Variants in NSD1 observed in about 807,000 individuals in gnomAD.
NSD1 encodes histone-lysine N-methyltransferase, H3 lysine-36 specific.
In NSD1, 26 loss-of-function variants were observed where a neutral mutation model predicts 242.7. The ratio of observed to expected loss-of-function variants is 0.11; its 90% CI spans 0.08 to 0.15. The LOEUF (loss-of-function observed/expected upper bound fraction) is 0.15. NSD1 is among the 10% of genes least tolerant of loss of function. The pLI is 1.00. For missense variants in NSD1, 2,495 were observed against 3,272.8 expected, an observed-to-expected ratio of 0.76 and a Z score of 5.80; for synonymous variants, 1,106 against 1,178.1, an observed-to-expected ratio of 0.94 and a Z score of 1.25.
At chr5:177,142,322 A>T (rs1756893649) in intron 2 of NSD1, among the ~76,000 whole-genome samples, 2 of 152,194 alleles carry the variant, frequency 1.3e-5, no homozygotes, top group East Asian at 3.8e-4. Context: ...AAAAAATTAA[A>T]AAAAGGAAAG....
At chr5:177,289,717 G>A (rs1759625772) in intron 21 of NSD1, among the ~76,000 whole-genome samples, 1 of 151,998 alleles carries the variant, frequency 6.6e-6, no homozygotes, top group Non-Finnish European at 1.5e-5. Context: ...AAGCATTGTT[G>A]TGTCTTCCTG....
intron 20 of NSD1, among the ~76,000 whole-genome samples, chr5:177,286,287 G>T (rs1235426739): frequency 1.3e-5 from 2 of 152,162 alleles, no homozygotes; most frequent in Non-Finnish European, 2.9e-5. Flanking sequence ...TTTAAAATTT[G>T]AGCCACTAGT....
intron 5 of NSD1, among the ~76,000 whole-genome samples, chr5:177,213,991 G>A (rs1236818719): frequency 6.6e-6 from 1 of 150,956 alleles, no homozygotes; most frequent in African/African-American, 2.4e-5. Context: ...TTTTTTTTGA[G>A]ATAGGGTCTG....
At chr5:177,252,536 GTTCTTTTTTTT>G (rs1430348153) in intron 12 of NSD1, among the ~76,000 whole-genome samples, 3 of 98,996 alleles carry the variant, frequency 3.0e-5, no homozygotes, top group African/African-American at 1.3e-4. Flanking sequence ...AAAGTAAAGT[GTTCTTTTTTTT>G]TTTTTTTTTT....
At chr5:177,158,938 GTATATATACACACA>G (rs1302399117) in intron 2 of NSD1, among the ~76,000 whole-genome samples, 4 of 141,764 alleles carry the variant, frequency 2.8e-5, no homozygotes, top group African/African-American at 8.0e-5. Flanking sequence ...GTGTGTGTGT[GTATATATACACACA>G]TATATATATA....
chr5:177,148,536 C>T (rs989130573), intron 2 of NSD1, among the ~76,000 whole-genome samples: 4 of 151,164 alleles, frequency 2.6e-5, no homozygotes, highest in Admixed American at 6.6e-5. Flanking sequence ...GCGATTATCC[C>T]GCCTCAGGCT....
At chr5:177,154,573 T>C (rs1168685806) in intron 2 of NSD1, among the ~76,000 whole-genome samples, 1 of 152,166 alleles carries the variant, frequency 6.6e-6, no homozygotes, top group East Asian at 1.9e-4. Flanking sequence ...TCTTGTGCTT[T>C]CCCGGAGACC....
chr5:177,151,411 G>A (rs543488850), intron 2 of NSD1, among the ~76,000 whole-genome samples: 13 of 151,832 alleles, frequency 8.6e-5, no homozygotes, highest in African/African-American at 1.5e-4. Flanking sequence ...TTTTTGAGAC[G>A]GAGTTTCGCT....
At chr5:177,145,364 G>A (rs533551525) in intron 2 of NSD1, among the ~76,000 whole-genome samples, 2 of 149,220 alleles carry the variant, frequency 1.3e-5, no homozygotes, top group East Asian at 4.0e-4. Context: ...CTGCAGTTTA[G>A]ACCTCCTGTG....
intron 7 of NSD1, among the ~76,000 whole-genome samples, chr5:177,239,015 TTA>T (rs1208397422): frequency 1.3e-5 from 2 of 152,230 alleles, no homozygotes; most frequent in Non-Finnish European, 2.9e-5. Context: ...TGATCATTCT[TTA>T]TATATCACCT....
chr5:177,202,757 T>C (rs1335494923), intron 3 of NSD1, among the ~76,000 whole-genome samples: 1 of 152,166 alleles, frequency 6.6e-6, no homozygotes, highest in African/African-American at 2.4e-5. Flanking sequence ...TACACACATG[T>C]GTATATTAAC....
At chr5:177,197,268 TA>T (rs538919762) in intron 3 of NSD1, among the ~76,000 whole-genome samples, 3,148 of 142,664 alleles carry the variant, frequency 0.022, 34 homozygotes, top group Non-Finnish European at 0.032. Context: ...AGACTCCATC[TA>T]AAAAAAAAAA....
chr5:177,209,756 G>A lies in NSD1; in HGVS notation c.1357G>A (p.Glu453Lys). Residue 453 changes from glutamate (E) to lysine (K), a missense_variant, in exon 5 of 23, where the codon GAA becomes AAA. Physicochemically the swap from Glu to Lys is moderately conservative, Grantham distance 56. Coordinates refer to ENST00000439151, the MANE Select transcript of NSD1 (RefSeq NM_022455.5). ...IPGSIKLDSE[E>K]DMPFEDCTND... The stretch of plus-strand genomic sequence containing the variant: ...TGGTTCAATCAAGTTGGACAGTGAA[G>A]AAGATATGCCATTTGAAGACTGCAC... 6.2e-7 allele frequency: 1 copy of A among 1,614,156 alleles called. No homozygotes were observed. The highest frequency in any genetic ancestry group is 8.5e-7 in the Non-Finnish European group (1 of 1,180,028).
intron 18 of NSD1, among the ~76,000 whole-genome samples, chr5:177,281,635 C>G (rs1311874147): frequency 6.6e-6 from 1 of 151,992 alleles, no homozygotes; most frequent in Non-Finnish European, 1.5e-5. Flanking sequence ...ACTAGTTTGT[C>G]TCTGATGATA....
intron 2 of NSD1, among the ~76,000 whole-genome samples, chr5:177,152,319 G>GTGTATGTATGTATGTA (rs57114836): frequency 2.3e-5 from 3 of 128,128 alleles, no homozygotes; most frequent in Non-Finnish European, 3.5e-5. Context: ...TTGTGTGTGT[G>GTGTATGTATGTATGTA]TGTATGTATG....
intron 2 of NSD1, among the ~76,000 whole-genome samples, chr5:177,142,771 T>C (rs1438628966): frequency 6.6e-6 from 1 of 152,182 alleles, no homozygotes; most frequent in East Asian, 1.9e-4. Context: ...ACTTCCTACT[T>C]CCAAAATGAG....
At chr5:177,271,660 A>G (rs1054461734) in intron 16 of NSD1, among the ~76,000 whole-genome samples, 3 of 152,212 alleles carry the variant, frequency 2.0e-5, no homozygotes, top group East Asian at 1.9e-4. Context: ...ACCTCCAAGT[A>G]TTTGGTACAG....
intron 11 of NSD1, among the ~76,000 whole-genome samples, chr5:177,250,631 T>C (rs1301274829): frequency 1.3e-5 from 2 of 151,898 alleles, no homozygotes; most frequent in Non-Finnish European, 2.9e-5. Flanking sequence ...CAATATATAG[T>C]GCTATTTTTC....
rs1448380303 is a variant in NSD1 at position 177,280,711 on chromosome 5, A to G, written c.5769A>G (p.Thr1923=). 6.2e-7 allele frequency: 1 copy of G among 1,614,122 alleles called. No homozygotes were observed. Among genetic ancestry groups the G allele is most frequent in the African/African-American group, 1.3e-5 (1 of 74,942 alleles). ...NRMLLYECHP[T]VCPAGGRCQN... The stretch of plus-strand genomic sequence containing the variant: ...TGCTGCTCTATGAGTGCCACCCCAC[A>G]GTGTGTCCTGCCGGAGGGCGCTGTC... The change falls in exon 18 of 23, where the codon ACA becomes ACG. Residue 1923 remains threonine, a synonymous_variant. Coordinates refer to ENST00000439151, the MANE Select transcript of NSD1 (RefSeq NM_022455.5).
Sources: gnomAD v4.1 joint callset for allele counts (sites outside exome capture counted in the v4.1 genomes callset) on GRCh38, gnomAD v4.1.1 for gene constraint, MANE v1.5 for transcripts, NCBI Gene and HGNC (gene_info 2026-07-23, HGNC 2026-07-21) for gene names.